Variants in KIAA0930 observed in about 807,000 individuals in gnomAD.
KIAA0930 encodes KIAA0930, also known as uncharacterized protein KIAA0930.
Under a neutral mutation model 43.9 loss-of-function variants are expected in KIAA0930, and 24 were observed. The ratio of observed to expected loss-of-function variants is 0.55; its 90% CI spans 0.40 to 0.77. The LOEUF is 0.77. Among genes scored for constraint, KIAA0930 ranks in the 30% least tolerant of loss-of-function variants. The probability of loss-of-function intolerance (pLI) is 0.00; values close to 1 mark genes in which losing one functional copy is unlikely to be tolerated. For missense variants in KIAA0930, 461 were observed against 574.2 expected (o/e 0.80, Z 2.02); for synonymous variants, 259 against 216.4 (o/e 1.20, Z -1.73).
At chr22:45,215,922 G>A (rs2083729095) in intron 1 of KIAA0930, among the ~76,000 whole-genome samples, 2 of 152,164 alleles carry the variant, frequency 1.3e-5, no homozygotes, top group African/African-American at 4.8e-5. Flanking sequence ...CAGCTACTCG[G>A]GAGGCTGAGG....
intron 4 of KIAA0930, 44 bp downstream of exon 4, chr22:45,205,586 G>C: frequency 6.3e-7 from 1 of 1,575,736 alleles, no homozygotes; most frequent in Non-Finnish European, 8.7e-7. Context: ...CGCCCAGCCT[G>C]AACTGGCAGT....
chr22:45,201,611 G>A (rs1345077395), intron 7 of KIAA0930, among the ~76,000 whole-genome samples: 1 of 152,186 alleles, frequency 6.6e-6, no homozygotes, highest in East Asian at 1.9e-4. Flanking sequence ...CTTTATCTCG[G>A]AAACAAACTC....
At chr22:45,210,037 G>T (rs1426866079) in intron 2 of KIAA0930, among the ~76,000 whole-genome samples, 1 of 152,046 alleles carries the variant, frequency 6.6e-6, no homozygotes, top group African/African-American at 2.4e-5. Context: ...GCCTATCCAG[G>T]GTGCACACAA....
At chr22:45,205,485 A>C in intron 4 of KIAA0930, 145 bp downstream of exon 4, 2 of 888,390 alleles carry the variant, frequency 2.3e-6, no homozygotes, top group South Asian at 1.5e-5. Flanking sequence ...CGAATGGGAT[A>C]CGGGATCCCA....
At chr22:45,207,899 C>CTG (rs2083653238) in intron 2 of KIAA0930, 1 of 168,942 alleles carries the variant, frequency 5.9e-6, no homozygotes, top group Non-Finnish European at 1.5e-5. Context: ...GCTGAGAGTC[C>CTG]TGGGGTTCAC....
intron 2 of KIAA0930, among the ~76,000 whole-genome samples, chr22:45,210,298 C>G (rs758269986): frequency 6.6e-6 from 1 of 152,144 alleles, no homozygotes; most frequent in Admixed American, 6.5e-5. Context: ...AGCCCTGGGA[C>G]GACAGAGGGC....
At chr22:45,238,877 T>C (rs1179236682) in intron 1 of KIAA0930, among the ~76,000 whole-genome samples, 9 of 143,580 alleles carry the variant, frequency 6.3e-5, no homozygotes, top group Non-Finnish European at 7.7e-5. Context: ...CTGGGCAGGC[T>C]CTCTCTCTCT....
chr22:45,207,334 T>G (rs1190927563), intron 2 of KIAA0930, among the ~76,000 whole-genome samples: 1 of 144,850 alleles, frequency 6.9e-6, no homozygotes, highest in Non-Finnish European at 1.5e-5. Context: ...TATTTTTTTA[T>G]TTTTTTGAGA....
intron 1 of KIAA0930, among the ~76,000 whole-genome samples, chr22:45,228,365 CCTT>C (rs1417122901): frequency 2.0e-5 from 3 of 151,810 alleles, no homozygotes; most frequent in Non-Finnish European, 4.4e-5. Context: ...ACCAGGCCAA[CCTT>C]CTTCTCCCTA....
intron 6 of KIAA0930, 103 bp from the exon 7 acceptor site, chr22:45,203,287 G>A (rs1279951224): frequency 1.5e-5 from 18 of 1,222,992 alleles, no homozygotes; most frequent in Middle Eastern, 5.4e-4. Flanking sequence ...CTCAAGGAGC[G>A]GGGGCTGCCC....
chr22:45,220,177 G>C (rs558045031), intron 1 of KIAA0930, among the ~76,000 whole-genome samples: 4 of 152,262 alleles, frequency 2.6e-5, no homozygotes, highest in Admixed American at 1.3e-4. Flanking sequence ...TCTAGGCCAA[G>C]CTCAGAGGCT....
intron 1 of KIAA0930, among the ~76,000 whole-genome samples, chr22:45,220,708 G>C (rs2083762398): frequency 6.6e-6 from 1 of 151,826 alleles, no homozygotes; most frequent in African/African-American, 2.4e-5. Flanking sequence ...ACTTTCCCAA[G>C]TAGCTGGGAC....
intron 3 of KIAA0930, 27 bp from the exon 4 acceptor site, chr22:45,205,734 A>G (rs775393749): frequency 3.1e-6 from 5 of 1,613,756 alleles, no homozygotes; most frequent in Admixed American, 1.7e-5. Flanking sequence ...GTCAGCGTGC[A>G]GGGAGGGGTC....
chr22:45,213,142 T>C (rs988869502), intron 1 of KIAA0930, among the ~76,000 whole-genome samples: 2 of 152,092 alleles, frequency 1.3e-5, no homozygotes, highest in Non-Finnish European at 2.9e-5. Context: ...GGCAGGCCAG[T>C]GGGCTGACCA....
At chr22:45,225,750 G>A (rs2083795436) in intron 1 of KIAA0930, among the ~76,000 whole-genome samples, 1 of 152,216 alleles carries the variant, frequency 6.6e-6, no homozygotes, top group African/African-American at 2.4e-5. Flanking sequence ...CCCTGACCCA[G>A]CTGGGGCCCT....
In KIAA0930 at chr22:45,197,356, G is replaced by A. The variant is rs957503781; in HGVS notation, c.1175-140C>T. 5 of 720,022 alleles carry A rather than the reference G, an allele frequency of 6.9e-6. No individual in the cohort carries two copies. The Admixed American group carries it at 8.8e-5, about 13-fold the overall frequency. 44.6% of individuals were successfully genotyped at this position (720,022 alleles called of 1,614,324 possible). A position where few individuals can be genotyped will look rare whatever the true frequency, so the allele number is the denominator to read the frequency against. ...TCTCCAGGCCTCACAGACTGCAGAGGAGACGTGTCTCCACCATCCTCACCC... is the reference window on the plus strand; with the variant it reads ...TCTCCAGGCCTCACAGACTGCAGAGAAGACGTGTCTCCACCATCCTCACCC... On this transcript the variant is annotated intron_variant, in intron 9 of 9. Coordinates refer to ENST00000336156, the MANE Select transcript of KIAA0930 (RefSeq NM_001009880.2).
At position 45,203,172 on chromosome 22, in the gene KIAA0930, C is replaced by T. The variant is rs751295257; in HGVS notation, c.670G>A (p.Ala224Thr). The T allele has an allele frequency of 2.9e-5, 46 of 1,601,902 alleles. No individual in the cohort carries two copies. The highest frequency in any genetic ancestry group is 4.5e-5 in the South Asian group (4 of 89,286). Residue 224 changes from alanine to threonine, a missense_variant, in exon 7 of 10, where the codon GCC (alanine) becomes ACC (threonine). Physicochemically the swap from Ala to Thr is moderately conservative, Grantham distance 58. Coordinates refer to ENST00000336156, the MANE Select transcript of KIAA0930 (RefSeq NM_001009880.2). The part of the protein sequence containing the change: ...KVYDNRVSVA[A>T]RMAQKMSFGF... ...AACGACATCTTCTGTGCCATGCGGGCGGCCACGCTCACCTGGGGGCCGGCG... is the reference window on the plus strand; with the variant it reads ...AACGACATCTTCTGTGCCATGCGGGTGGCCACGCTCACCTGGGGGCCGGCG...
chr22:45,197,243 G>A (rs1481747554), intron 9 of KIAA0930, 27 bp from the exon 10 acceptor site: 4 of 1,547,022 alleles, frequency 2.6e-6, no homozygotes, highest in East Asian at 2.5e-5. Context: ...GGAAGCAGGT[G>A]AAACAGTAAC....
intron 2 of KIAA0930, among the ~76,000 whole-genome samples, chr22:45,206,909 G>C (rs953090293): frequency 2.0e-5 from 3 of 152,084 alleles, no homozygotes; most frequent in Admixed American, 6.5e-5. Context: ...ATGTTGGCCA[G>C]GCTGGTCTCG....
Sources: allele counts gnomAD v4.1 joint callset (sites outside exome capture counted in the v4.1 genomes callset), GRCh38; gene constraint gnomAD v4.1.1; transcripts MANE v1.5; gene names NCBI Gene and HGNC (gene_info 2026-07-23, HGNC 2026-07-21).